Variants in KNTC1 observed in about 807,000 individuals in gnomAD.
KNTC1 encodes kinetochore associated 1, also known as kinetochore-associated protein 1.
A neutral mutation model predicts 314.4 loss-of-function variants in KNTC1; 253 were observed. That is an observed-to-expected ratio of 0.80 (90% CI 0.73 to 0.89). The LOEUF is 0.89. KNTC1 is among the 40% of genes least tolerant of loss of function. KNTC1 has a pLI of 0.00. For synonymous variants in KNTC1, 901 were observed against 901.4 expected, an observed-to-expected ratio of 1.00 and a Z score of 0.01; for missense variants, 2,475 against 2,572.9, an observed-to-expected ratio of 0.96 and a Z score of 0.82.
chr12:122,527,587 CAG>C (rs1565918321), intron 1 of KNTC1: 1 of 152,294 alleles, frequency 6.6e-6, no homozygotes, highest in East Asian at 1.9e-4. Flanking sequence ...ATTCCGCCGC[CAG>C]AGTGATCTCA....
At chr12:122,561,885 ATTC>A in intron 18 of KNTC1, 33 bp from the exon 19 acceptor site, 3 of 1,497,270 alleles carry the variant, frequency 2.0e-6, no homozygotes, top group East Asian at 4.6e-5. Flanking sequence ...AACAGTAGAT[ATTC>A]TTCTAACTGT....
intron 5 of KNTC1, among the ~76,000 whole-genome samples, chr12:122,540,423 C>T (rs923282343): frequency 2.0e-5 from 3 of 152,058 alleles, no homozygotes; most frequent in Non-Finnish European, 2.9e-5. Context: ...CTGCCCGCCT[C>T]AGGTGATCTG....
intron 60 of KNTC1, among the ~76,000 whole-genome samples, chr12:122,621,458 C>G (rs956312752): frequency 6.6e-6 from 1 of 152,070 alleles, no homozygotes; most frequent in African/African-American, 2.4e-5. Flanking sequence ...CAAGTGACTC[C>G]CAAGTAGCTG....
chr12:122,529,336 A>G (rs1961112216), intron 1 of KNTC1, among the ~76,000 whole-genome samples: 1 of 152,196 alleles, frequency 6.6e-6, no homozygotes, highest in Non-Finnish European at 1.5e-5. Flanking sequence ...TTATTTGATT[A>G]TCATTCCCTA....
chr12:122,541,829 G>A (rs994471267), intron 5 of KNTC1, among the ~76,000 whole-genome samples: 4 of 150,134 alleles, frequency 2.7e-5, no homozygotes, highest in African/African-American at 4.9e-5. Context: ...GACCATCCTG[G>A]CCAACATGGT....
chr12:122,532,356 G>A lies in KNTC1; in HGVS notation c.129+2164G>A, dbSNP rs948447028. Among the ~76,000 whole-genome samples, 40 of 151,332 alleles carry A rather than the reference G, an allele frequency of 2.6e-4. 1 individual carries two copies. The highest frequency in any genetic ancestry group is 3.7e-4 in the Non-Finnish European group (25 of 67,896). On this transcript the variant is annotated intron_variant, in intron 2 of 63. Coordinates refer to ENST00000333479, the MANE Select transcript of KNTC1 (RefSeq NM_014708.6). ...CCCGAGTAACTGGGAATACAGACAC[G>A]AGCCACCACACCCAGCTAATTTTTG...
At chr12:122,605,199 A>ATGTATATACT in intron 50 of KNTC1, 107 bp from the exon 51 acceptor site, 1 of 1,033,008 alleles carries the variant, frequency 9.7e-7, no homozygotes, top group Non-Finnish European at 1.4e-6. Flanking sequence ...TTATATATGT[A>ATGTATATACT]TATACTTATA....
chr12:122,622,334 A>T, intron 61 of KNTC1, 128 bp from the exon 62 acceptor site: 1 of 847,622 alleles, frequency 1.2e-6, no homozygotes, highest in Non-Finnish European at 1.8e-6. Context: ...ATGCAGTGCT[A>T]ATTGGGCTTC....
intron 44 of KNTC1, 88 bp from the exon 45 acceptor site, chr12:122,601,448 T>G: frequency 8.8e-7 from 1 of 1,134,616 alleles, no homozygotes; most frequent in Non-Finnish European, 1.2e-6. Flanking sequence ...ATTTTTATAT[T>G]TGTAATCTGT....
chr12:122,625,274 A>C (rs939819574), intron 63 of KNTC1, among the ~76,000 whole-genome samples: 4 of 152,036 alleles, frequency 2.6e-5, no homozygotes, highest in Non-Finnish European at 5.9e-5. Flanking sequence ...GTGGTGGCAC[A>C]CGCCTGTAAT....
chr12:122,541,287 G>GCCTGCCTGCCTGCCTGTCTT (rs758235054), intron 5 of KNTC1, among the ~76,000 whole-genome samples: 2 of 120,968 alleles, frequency 1.7e-5, no homozygotes, highest in African/African-American at 7.2e-5. Context: ...CTGCCTGCCT[G>GCCTGCCTGCCTGCCTGTCTT]CCTTCCTTCC....
chr12:122,623,065 TC>T (rs1352893690), intron 62 of KNTC1, among the ~76,000 whole-genome samples: 1 of 152,192 alleles, frequency 6.6e-6, no homozygotes, highest in African/African-American at 2.4e-5. Flanking sequence ...CAAAAGTTAA[TC>T]ATTTAATAAC....
At chr12:122,596,796 C>G (rs150438036) in intron 43 of KNTC1, among the ~76,000 whole-genome samples, 1 of 152,224 alleles carries the variant, frequency 6.6e-6, no homozygotes, top group African/African-American at 2.4e-5. Flanking sequence ...GAGCCTTGAT[C>G]ATGCCGCTGC....
At position 122,602,652 on chromosome 12, in the gene KNTC1, T is replaced by C. The variant is rs773415968; in HGVS notation, c.4737T>C (p.His1579=). The change falls in exon 46 of 64, where the codon CAT becomes CAC. Residue 1579 remains histidine, a synonymous_variant. Coordinates refer to ENST00000333479, the MANE Select transcript of KNTC1 (RefSeq NM_014708.6). ...VDLEYQYMLE[H]VITLPSAAQT... is the part of the protein sequence containing the mutation. ...TAGAATATCAGTATATGTTGGAACA[T>C]GTCATAACTTTGCCATCAGCTGCCC... is the stretch of plus-strand genomic sequence containing the variant. 1 of 1,612,888 alleles carries C rather than the reference T, an allele frequency of 6.2e-7. No individual in the cohort carries two copies. The highest frequency in any genetic ancestry group is 8.5e-7 in the Non-Finnish European group (1 of 1,178,886).
intron 16 of KNTC1, among the ~76,000 whole-genome samples, chr12:122,552,206 G>A (rs1339708802): frequency 6.6e-6 from 1 of 152,096 alleles, no homozygotes; most frequent in Non-Finnish European, 1.5e-5. Context: ...ACTGCACCTG[G>A]CCTCAGGTCA....
Position 122,573,258 on chromosome 12 carries a change from G to C in KNTC1, c.2256G>C (p.Glu752Asp), listed in dbSNP as rs1410662606. The change falls in exon 26 of 64, where the codon GAG (glutamate) becomes GAC (aspartate). Residue 752 changes from glutamate to aspartate, a missense_variant. Coordinates refer to ENST00000333479, the MANE Select transcript of KNTC1 (RefSeq NM_014708.6). Reference sequence around the variant, plus strand: ...ACATGAGAGAACATGACTTGCAAGAGGAGGAACTTCTCTTGCTGTACATAG... The same window carrying C: ...ACATGAGAGAACATGACTTGCAAGACGAGGAACTTCTCTTGCTGTACATAG... ...RVYMREHDLQ[E>D]EELLLLYIED... 1 of 1,613,782 alleles carries C rather than the reference G, an allele frequency of 6.2e-7. No homozygotes were observed.
chr12:122,601,626 G>C lies in KNTC1; in HGVS notation c.4653+1G>C. ...GATAACCAATATTAATATTAATCAGGTATAACAAATATATCAAAGATGTAA... is the reference window on the plus strand; with the variant it reads ...GATAACCAATATTAATATTAATCAGCTATAACAAATATATCAAAGATGTAA... On this transcript the variant is annotated splice_donor_variant, in intron 45 of 63. Coordinates refer to ENST00000333479, the MANE Select transcript of KNTC1 (RefSeq NM_014708.6). LOFTEE classifies it high-confidence loss of function. 2.7e-6 allele frequency: 4 copies of C among 1,490,038 alleles called. No individual in the cohort carries two copies. Among genetic ancestry groups the C allele is most frequent in the Non-Finnish European group, 2.7e-6 (3 of 1,121,944 alleles). The allele number at this position is 1,490,038 out of a possible 1,614,324, so 92.3% of individuals were successfully genotyped here.
At position 122,623,430 on chromosome 12, in the gene KNTC1, GTCTT is replaced by G. The variant is rs1481405260; in HGVS notation, c.6515+831_6515+834del. Among the ~76,000 whole-genome samples the G allele has an allele frequency of 2.6e-5, 4 of 152,230 alleles. No homozygotes were observed. The East Asian group carries it at 5.8e-4, about 22-fold the overall frequency. Reference sequence around the variant, plus strand: ...GTCTAGCCATGTTGGCGCTTGAGAGGTCTTTCTTTCTCATTACCACTCCATGGAT... The same window carrying G: ...GTCTAGCCATGTTGGCGCTTGAGAGGTCTTTCTCATTACCACTCCATGGAT... On this transcript the variant is annotated intron_variant, in intron 62 of 63. Transcript: ENST00000333479.
At chr12:122,555,284 GGC>G (rs1250093980) in intron 16 of KNTC1, among the ~76,000 whole-genome samples, 1 of 152,196 alleles carries the variant, frequency 6.6e-6, no homozygotes, top group East Asian at 1.9e-4. Context: ...CGGGTGCAGT[GGC>G]TCACCTTTGT....
Sources: gnomAD v4.1 joint callset for allele counts (sites outside exome capture counted in the v4.1 genomes callset) on GRCh38, gnomAD v4.1.1 for gene constraint, MANE v1.5 for transcripts, NCBI Gene and HGNC (gene_info 2026-07-23, HGNC 2026-07-21) for gene names.